SLC71A2: variants seen among roughly 807,000 people sequenced by gnomAD.
The protein encoded by SLC71A2 is hippocampus abundant transcript-like 1.
chr9:94,400,216 G>T, the SLC71A2 span, among the ~76,000 whole-genome samples: 1 of 149,834 alleles, frequency 6.7e-6, no homozygotes, highest in African/African-American at 2.5e-5. Context: ...TTTATGTACC[G>T]AAAAAAGGAA....
the SLC71A2 span, among the ~76,000 whole-genome samples, chr9:94,437,795 C>T: frequency 6.9e-6 from 1 of 144,594 alleles, no homozygotes. Context: ...GGTGTGTGTT[C>T]GTCTTAAGGG....
chr9:94,453,302 A>G, the SLC71A2 span, among the ~76,000 whole-genome samples: 1 of 151,878 alleles, frequency 6.6e-6, no homozygotes, highest in Non-Finnish European at 1.5e-5. Flanking sequence ...AGTGTGCACC[A>G]CTATGCCTGG....
At chr9:94,432,252 G>A in the SLC71A2 span, among the ~76,000 whole-genome samples, 16,591 of 151,974 alleles carry the variant, frequency 0.11, 1,373 homozygotes, top group East Asian at 0.31. Context: ...TGTAATCCCA[G>A]CACTTTGGGA....
the SLC71A2 span, chr9:94,451,557 A>AT: frequency 8.2e-7 from 1 of 1,212,918 alleles, no homozygotes; most frequent in Non-Finnish European, 1.2e-6. Flanking sequence ...TACTTAAAAA[A>AT]TTTAAAAAAT....
chr9:94,420,472 C>T, the SLC71A2 span, among the ~76,000 whole-genome samples: 1 of 152,120 alleles, frequency 6.6e-6, no homozygotes, highest in Admixed American at 6.6e-5. Flanking sequence ...GATTGAATTC[C>T]AGAGCACTGA....
the SLC71A2 span, chr9:94,445,255 C>G: frequency 3.3e-6 from 4 of 1,225,680 alleles, no homozygotes; most frequent in Non-Finnish European, 4.6e-6. Flanking sequence ...TATGTATGTG[C>G]AGCCTCAAGG....
chr9:94,382,197 T>A, the SLC71A2 span, among the ~76,000 whole-genome samples: 1 of 151,856 alleles, frequency 6.6e-6, no homozygotes, highest in Non-Finnish European at 1.5e-5. Context: ...CAGCTAATTT[T>A]TTAATTTTTT....
At chr9:94,375,294 C>G in the SLC71A2 span, among the ~76,000 whole-genome samples, 33 of 151,896 alleles carry the variant, frequency 2.2e-4, 1 homozygote, top group South Asian at 6.8e-3. Flanking sequence ...AGACCGTCGA[C>G]GGGGAAGTTG....
chr9:94,396,555 G>T, the SLC71A2 span, among the ~76,000 whole-genome samples: 2 of 152,054 alleles, frequency 1.3e-5, no homozygotes, highest in Non-Finnish European at 2.9e-5. Flanking sequence ...GTGGGGTGGG[G>T]TTGGCAAACT....
chr9:94,375,181 T>G, the SLC71A2 span, among the ~76,000 whole-genome samples: 1 of 152,082 alleles, frequency 6.6e-6, no homozygotes, highest in Non-Finnish European at 1.5e-5. Flanking sequence ...AGTAGTAATT[T>G]GGTTATTTCG....
chr9:94,445,855 G>A, the SLC71A2 span, among the ~76,000 whole-genome samples: 1 of 152,198 alleles, frequency 6.6e-6, no homozygotes, highest in Non-Finnish European at 1.5e-5. Context: ...AAAAATTCAT[G>A]TAATCAATCA....
chr9:94,392,424 A>AGG, the SLC71A2 span, among the ~76,000 whole-genome samples: 1 of 151,940 alleles, frequency 6.6e-6, no homozygotes, highest in Non-Finnish European at 1.5e-5. Context: ...GCTGTTGTTA[A>AGG]ATGTGTGATA....
chr9:94,450,004 G>A, the SLC71A2 span, among the ~76,000 whole-genome samples: 1 of 152,288 alleles, frequency 6.6e-6, no homozygotes, highest in Admixed American at 6.5e-5. Context: ...GAAATGCCCA[G>A]AATAGGCAAA....
the SLC71A2 span, among the ~76,000 whole-genome samples, chr9:94,412,244 G>T: frequency 6.6e-6 from 1 of 152,012 alleles, no homozygotes; most frequent in Admixed American, 6.6e-5. Context: ...CTTTTTATTG[G>T]GCTGTTAGTC....
the SLC71A2 span, among the ~76,000 whole-genome samples, chr9:94,429,755 G>C: frequency 6.6e-6 from 1 of 151,902 alleles, no homozygotes; most frequent in Non-Finnish European, 1.5e-5. Flanking sequence ...TTTGCACCGA[G>C]AATACTCGCC....
chr9:94,419,150 G>C, the SLC71A2 span, among the ~76,000 whole-genome samples: 2 of 151,292 alleles, frequency 1.3e-5, no homozygotes, highest in Non-Finnish European at 2.9e-5. Flanking sequence ...GTCTTGCCCT[G>C]TTGCCTAGGC....
chr9:94,402,659 C>G, the SLC71A2 span, among the ~76,000 whole-genome samples: 3 of 152,166 alleles, frequency 2.0e-5, no homozygotes, highest in Non-Finnish European at 2.9e-5. Context: ...TCTTTTCATT[C>G]ACTTACCAGT....
At chr9:94,411,930 C>T in the SLC71A2 span, among the ~76,000 whole-genome samples, 4 of 152,138 alleles carry the variant, frequency 2.6e-5, no homozygotes, top group Admixed American at 6.5e-5. Flanking sequence ...TAGCTTTGTG[C>T]ATATGGCACC....
chr9:94,438,913 T>A, the SLC71A2 span, among the ~76,000 whole-genome samples: 2 of 152,062 alleles, frequency 1.3e-5, no homozygotes, highest in Non-Finnish European at 2.9e-5. Context: ...CTCATCGCTG[T>A]GGGGCACTGA....
Sources: allele counts gnomAD v4.1 joint callset (sites outside exome capture counted in the v4.1 genomes callset), GRCh38; gene constraint gnomAD v4.1.1; transcripts MANE v1.5; gene names NCBI Gene and HGNC (gene_info 2026-07-23, HGNC 2026-07-21).